NDST3: variants seen among roughly 807,000 people sequenced by gnomAD.
The protein encoded by NDST3 is N-deacetylase and N-sulfotransferase 3.
A neutral mutation model predicts 96.1 loss-of-function variants in NDST3; 58 were observed. The ratio of observed to expected loss-of-function variants is 0.60; its 90% CI spans 0.49 to 0.75. NDST3 has a LOEUF of 0.75. NDST3 is among the 30% of genes least tolerant of loss of function. The pLI, the probability that NDST3 is intolerant of heterozygous loss-of-function variation, is 0.00. For synonymous variants in NDST3, 333 were observed against 359.7 expected (o/e 0.93, Z 0.84); for missense variants, 788 against 1,034.2 (o/e 0.76, Z 3.27).
At chr4:118,139,435 G>A (rs1733388570) in intron 5 of NDST3, among the ~76,000 whole-genome samples, 1 of 152,140 alleles carries the variant, frequency 6.6e-6, no homozygotes, top group African/African-American at 2.4e-5. Flanking sequence ...ACCTATATTT[G>A]GCTTGTGGGC....
At chr4:118,249,563 C>T (rs546386843) in intron 12 of NDST3, among the ~76,000 whole-genome samples, 1 of 152,098 alleles carries the variant, frequency 6.6e-6, no homozygotes, top group African/African-American at 2.4e-5. Context: ...CCTGATCTGA[C>T]ACAATTGCTT....
chr4:118,084,840 G>T (rs1728290789), intron 2 of NDST3, among the ~76,000 whole-genome samples: 1 of 152,128 alleles, frequency 6.6e-6, no homozygotes, highest in Non-Finnish European at 1.5e-5. Context: ...ACTGGAATGG[G>T]CCAAGCGCGG....
At chr4:118,106,856 C>T (rs949283412) in intron 3 of NDST3, among the ~76,000 whole-genome samples, 3 of 151,988 alleles carry the variant, frequency 2.0e-5, no homozygotes, top group South Asian at 2.1e-4. Context: ...TTTGGGAGGC[C>T]GAGGCGGGTG....
chr4:118,148,201 G>A (rs1734096578), intron 6 of NDST3, among the ~76,000 whole-genome samples: 1 of 152,166 alleles, frequency 6.6e-6, no homozygotes, highest in African/African-American at 2.4e-5. Context: ...AGGAGGCTGA[G>A]GTAGGAGAAT....
intron 6 of NDST3, among the ~76,000 whole-genome samples, chr4:118,174,752 T>G (rs558110608): frequency 6.6e-6 from 1 of 152,270 alleles, no homozygotes; most frequent in South Asian, 2.1e-4. Context: ...CTTGACTCTT[T>G]GAGCCTAGAA....
intron 12 of NDST3, among the ~76,000 whole-genome samples, chr4:118,250,199 G>A (rs1741598448): frequency 2.0e-5 from 3 of 152,156 alleles, no homozygotes. Context: ...TTGCATTCGA[G>A]TAAAAACCTA....
intron 10 of NDST3, among the ~76,000 whole-genome samples, chr4:118,240,275 G>C (rs1372483175): frequency 6.6e-6 from 1 of 152,102 alleles, no homozygotes. Flanking sequence ...TAATGCTGGT[G>C]AAGGAATCCT....
At chr4:118,080,078 T>C (rs1276901057) in intron 2 of NDST3, among the ~76,000 whole-genome samples, 1 of 152,178 alleles carries the variant, frequency 6.6e-6, no homozygotes, top group African/African-American at 2.4e-5. Flanking sequence ...CTGTATCAAT[T>C]TTCTTTTTGG....
chr4:118,041,788 C>A (rs567280396), intron 1 of NDST3, among the ~76,000 whole-genome samples: 11 of 152,062 alleles, frequency 7.2e-5, no homozygotes, highest in African/African-American at 2.7e-4. Context: ...ATCTTGTTGG[C>A]CTTTAAAAGT....
intron 6 of NDST3, among the ~76,000 whole-genome samples, chr4:118,220,358 A>C (rs1162979097): frequency 6.6e-6 from 1 of 151,990 alleles, no homozygotes; most frequent in Non-Finnish European, 1.5e-5. Flanking sequence ...AGGAAGAGAA[A>C]ACCAAACACC....
intron 6 of NDST3, chr4:118,193,569 C>T: frequency 9.0e-7 from 1 of 1,105,762 alleles, no homozygotes; most frequent in Non-Finnish European, 1.4e-6. Context: ...TTCTCCCAGG[C>T]AAGCTGCCTG....
intron 2 of NDST3, among the ~76,000 whole-genome samples, chr4:118,093,657 G>C (rs1053950073): frequency 6.6e-6 from 1 of 151,540 alleles, no homozygotes; most frequent in African/African-American, 2.4e-5. Context: ...CTAACTTATC[G>C]TATCTAATCT....
Position 118,210,515 on chromosome 4 carries a change from C to G in NDST3, c.1540-13976C>G, listed in dbSNP as rs1013931226. Among the ~76,000 whole-genome samples, 4 of 152,110 alleles carry G rather than the reference C, an allele frequency of 2.6e-5. No homozygotes were observed. The South Asian group carries it at 6.2e-4, about 24-fold the overall frequency. ...CTGCTGGGCCGGGCACGGTGTTTCA[C>G]ACCTGTAATCTCAGCACTTTGGGAG... is the stretch of plus-strand genomic sequence containing the variant. On this transcript the variant is annotated intron_variant, in intron 6 of 13. Transcript: ENST00000296499.
intron 12 of NDST3, among the ~76,000 whole-genome samples, chr4:118,251,149 C>T (rs1301918021): frequency 2.7e-4 from 28 of 102,988 alleles, no homozygotes; most frequent in Non-Finnish European, 3.6e-4. Context: ...TTTTTTGAGA[C>T]GGAGTCTTGC....
intron 6 of NDST3, among the ~76,000 whole-genome samples, chr4:118,170,996 T>C (rs1205641205): frequency 1.3e-5 from 2 of 152,216 alleles, no homozygotes; most frequent in Non-Finnish European, 2.9e-5. Context: ...CTTACCTCTC[T>C]GATTTCATCT....
intron 6 of NDST3, among the ~76,000 whole-genome samples, chr4:118,173,675 C>G (rs1736099260): frequency 6.6e-6 from 1 of 152,078 alleles, no homozygotes; most frequent in South Asian, 2.1e-4. Context: ...TCATCATATT[C>G]AGTACTTTAT....
chr4:118,104,995 A>G (rs1560645907), intron 2 of NDST3, 23 bp from the exon 3 acceptor site: 1 of 1,601,762 alleles, frequency 6.2e-7, no homozygotes, highest in Admixed American at 1.7e-5. Context: ...TACCTGATAC[A>G]TTTTTTAAAT....
chr4:118,198,152 T>C (rs765182392), intron 6 of NDST3, among the ~76,000 whole-genome samples: 1 of 152,148 alleles, frequency 6.6e-6, no homozygotes, highest in Non-Finnish European at 1.5e-5. Context: ...ACTGTGTCCA[T>C]TTACATTCAA....
At chr4:118,044,023 A>G (rs1429010294) in intron 1 of NDST3, among the ~76,000 whole-genome samples, 8 of 152,224 alleles carry the variant, frequency 5.3e-5, no homozygotes, top group Admixed American at 2.6e-4. Flanking sequence ...ATAGATTCCT[A>G]ATATCTGTCC....
Sources: gnomAD v4.1 joint callset for allele counts (sites outside exome capture counted in the v4.1 genomes callset) on GRCh38, gnomAD v4.1.1 for gene constraint, MANE v1.5 for transcripts, NCBI Gene and HGNC (gene_info 2026-07-23, HGNC 2026-07-21) for gene names.